HCRTR2: variants seen among roughly 807,000 people sequenced by gnomAD.
HCRTR2 encodes orexin receptor type 2.
HCRTR2 carries 22 observed loss-of-function variants against 49.0 expected under a neutral mutation model. The ratio of observed to expected loss-of-function variants is 0.45; its 90% CI spans 0.32 to 0.64. The LOEUF (loss-of-function observed/expected upper bound fraction) is 0.64, where lower values mean the gene tolerates loss of function less well. HCRTR2 is among the 30% of genes least tolerant of loss of function. The probability of loss-of-function intolerance (pLI) is 0.04; values close to 1 mark genes in which losing one functional copy is unlikely to be tolerated. For synonymous variants in HCRTR2, 236 were observed against 205.3 expected (o/e 1.15, Z -1.28); for missense variants, 491 against 559.4 (o/e 0.88, Z 1.23).
intron 5 of HCRTR2, among the ~76,000 whole-genome samples, chr6:55,278,630 A>AT (rs957581723): frequency 8.6e-5 from 13 of 151,682 alleles, no homozygotes; most frequent in Middle Eastern, 3.2e-3. Context: ...AAGATATATG[A>AT]TTTTTTTTGT....
intron 1 of HCRTR2, among the ~76,000 whole-genome samples, chr6:55,118,228 ATCTTGGGTTTT>A (rs1453750882): frequency 2.0e-5 from 3 of 151,848 alleles, no homozygotes; most frequent in Non-Finnish European, 4.4e-5. Context: ...AAAGGATATG[ATCTTGGGTTTT>A]CTTATAACTG....
chr6:55,211,994 G>A (rs1191471458), intron 1 of HCRTR2, among the ~76,000 whole-genome samples: 1 of 152,108 alleles, frequency 6.6e-6, no homozygotes, highest in African/African-American at 2.4e-5. Flanking sequence ...CTAAAAGTGG[G>A]CTTCTCTAAA....
Position 55,255,483 on chromosome 6 carries a change from A to G in HCRTR2, c.646+104A>G, listed in dbSNP as rs1766635238. 19 of 1,352,266 alleles carry G rather than the reference A, an allele frequency of 1.4e-5. No homozygotes were observed. In the South Asian group the frequency reaches 1.9e-4, roughly 13 times the overall value. 83.8% of individuals were successfully genotyped at this position (1,352,266 alleles called of 1,614,324 possible). The stretch of plus-strand genomic sequence containing the variant: ...AGCTGGGCTTATATATTTTATTGAC[A>G]TTTGTGAATACAGTTTTGCAAGAGC... On this transcript the variant is annotated intron_variant, in intron 3 of 6. Transcript: ENST00000370862.
chr6:55,128,150 T>A (rs1419678871), intron 1 of HCRTR2, among the ~76,000 whole-genome samples: 1 of 152,226 alleles, frequency 6.6e-6, no homozygotes, highest in Non-Finnish European at 1.5e-5. Flanking sequence ...GGCTGGCTAG[T>A]TATCCCAGCA....
intron 2 of HCRTR2, among the ~76,000 whole-genome samples, chr6:55,253,974 C>A (rs1217083673): frequency 1.3e-5 from 2 of 151,934 alleles, no homozygotes; most frequent in Non-Finnish European, 2.9e-5. Flanking sequence ...CAGCAAACAC[C>A]CATGACAGAC....
intron 1 of HCRTR2, among the ~76,000 whole-genome samples, chr6:55,115,277 G>A (rs1162337994): frequency 2.0e-5 from 3 of 151,588 alleles, no homozygotes; most frequent in Admixed American, 6.6e-5. Flanking sequence ...CAGAATCTAG[G>A]TGTTGATCAC....
At chr6:55,234,970 A>G (rs1283178469) in intron 1 of HCRTR2, among the ~76,000 whole-genome samples, 1 of 152,180 alleles carries the variant, frequency 6.6e-6, no homozygotes, top group East Asian at 1.9e-4. Flanking sequence ...AGAGTATTTC[A>G]ATGATAATAT....
intron 1 of HCRTR2, among the ~76,000 whole-genome samples, chr6:55,217,823 C>T (rs1422502070): frequency 6.6e-6 from 1 of 152,176 alleles, no homozygotes; most frequent in Non-Finnish European, 1.5e-5. Flanking sequence ...CCCTTCCAGC[C>T]TTTGTCCATT....
chr6:55,142,836 G>T (rs1764526368), intron 1 of HCRTR2, among the ~76,000 whole-genome samples: 2 of 130,700 alleles, frequency 1.5e-5, no homozygotes, highest in Non-Finnish European at 3.2e-5. Flanking sequence ...TATGATTCAA[G>T]TCCATTAAAA....
intron 1 of HCRTR2, among the ~76,000 whole-genome samples, chr6:55,146,412 C>A (rs1333981798): frequency 6.6e-6 from 1 of 152,048 alleles, no homozygotes; most frequent in Non-Finnish European, 1.5e-5. Flanking sequence ...TTTCACAATA[C>A]AGATCTATGA....
intron 1 of HCRTR2, among the ~76,000 whole-genome samples, chr6:55,149,077 A>G (rs1335698827): frequency 6.6e-6 from 1 of 152,062 alleles, no homozygotes; most frequent in East Asian, 1.9e-4. Flanking sequence ...ATTAGTGTGA[A>G]CATAGCCAGA....
chr6:55,213,075 AAAG>A lies in HCRTR2; in HGVS notation c.224-35562_224-35560del, dbSNP rs148233779. ...GAAGAAAGTAAGAGTACATGAAAAA[AAAG>A]AGGAAGAGAGAGAGCAGACAAGAAG... On this transcript the variant is annotated intron_variant, in intron 1 of 6. Transcript: ENST00000370862. 5.5e-3 allele frequency among the ~76,000 whole-genome samples: 809 copies of A among 148,428 alleles called. 5 individuals carry two copies. The highest frequency in any genetic ancestry group is 0.018 in the African/African-American group (746 of 41,400).
chr6:55,248,678 T>TTC lies in HCRTR2; in HGVS notation c.263_264insTC (p.Thr89GlnfsTer6). 1 of 1,613,486 alleles carries TTC rather than the reference T, an allele frequency of 6.2e-7. No homozygotes were observed. Among genetic ancestry groups the TTC allele is most frequent in the Non-Finnish European group, 8.5e-7 (1 of 1,179,540 alleles). ...TGGAAGAACCACCACATGAGGACGG[T>TTC]AACCAACTACTTCATAGTCAATCTT... On this transcript the variant is annotated frameshift_variant, in exon 2 of 7. Coordinates refer to ENST00000370862, the MANE Select transcript of HCRTR2 (RefSeq NM_001384272.1). LOFTEE classifies it high-confidence loss of function.
intron 2 of HCRTR2, among the ~76,000 whole-genome samples, chr6:55,254,355 T>C (rs1473179591): frequency 3.3e-5 from 5 of 152,130 alleles, no homozygotes; most frequent in Non-Finnish European, 5.9e-5. Context: ...TTACATTAAC[T>C]AATAATGTGG....
chr6:55,132,041 G>A (rs970653855), intron 1 of HCRTR2, among the ~76,000 whole-genome samples: 17 of 151,786 alleles, frequency 1.1e-4, no homozygotes, highest in Non-Finnish European at 2.2e-4. Context: ...AGCATGAGTT[G>A]TACATGTGTT....
At chr6:55,199,281 G>T (rs551737497) in intron 1 of HCRTR2, among the ~76,000 whole-genome samples, 3 of 149,460 alleles carry the variant, frequency 2.0e-5, no homozygotes, top group Admixed American at 6.7e-5. Flanking sequence ...TTTTTTTAAT[G>T]CAGCATGTCA....
rs60518784 is a variant in HCRTR2 at position 55,155,194 on chromosome 6, A to ATT, written c.-377-19007_-377-19006dup. On this transcript the variant is annotated intron_variant, in intron 1 of 7. Coordinates refer to the HCRTR2 transcript ENST00000615358. Reference sequence around the variant, plus strand: ...ATGCAATCCCTATCAAAATACCAATATTTTTTTTTTTACAGAAATGAAAAC... The same window carrying ATT: ...ATGCAATCCCTATCAAAATACCAATATTTTTTTTTTTTTACAGAAATGAAAAC... Among the ~76,000 whole-genome samples, 7 of 134,968 alleles carry ATT rather than the reference A, an allele frequency of 5.2e-5. No homozygotes were observed. The East Asian group carries it at 1.4e-3, about 27-fold the overall frequency. The allele number at this position is 134,968 out of a possible 152,430, so 88.5% of individuals were successfully genotyped here.
At chr6:55,280,247 T>C (rs974707486) in intron 5 of HCRTR2, 76 bp from the exon 6 acceptor site, 25 of 981,596 alleles carry the variant, frequency 2.5e-5, no homozygotes, top group Non-Finnish European at 4.0e-5. Context: ...AGTCAGACCA[T>C]CCTCTACCAA....
intron 1 of HCRTR2, among the ~76,000 whole-genome samples, chr6:55,123,004 T>C (rs1367862952): frequency 6.7e-6 from 1 of 149,714 alleles, no homozygotes; most frequent in Non-Finnish European, 1.5e-5. Flanking sequence ...CATTAGGAGA[T>C]ATACCTAAAG....
Sources: gnomAD v4.1 joint callset for allele counts (sites outside exome capture counted in the v4.1 genomes callset) on GRCh38, gnomAD v4.1.1 for gene constraint, MANE v1.5 for transcripts, NCBI Gene and HGNC (gene_info 2026-07-23, HGNC 2026-07-21) for gene names.